Variants in PEAK1 observed in about 807,000 individuals in gnomAD.
PEAK1 encodes inactive tyrosine-protein kinase PEAK1.
PEAK1 carries 54 observed loss-of-function variants against 124.7 expected under a neutral mutation model. The ratio of observed to expected loss-of-function variants is 0.43; its 90% CI spans 0.35 to 0.54. The LOEUF (loss-of-function observed/expected upper bound fraction) is 0.54. Ranked by LOEUF, PEAK1 falls within the 20% of genes least tolerant of loss-of-function variation. The pLI, the probability that PEAK1 is intolerant of heterozygous loss-of-function variation, is 0.01. For synonymous variants in PEAK1, 719 were observed against 760.0 expected (o/e 0.95, Z 0.89); for missense variants, 2,046 against 2,134.5 (o/e 0.96, Z 0.82).
intron 6 of PEAK1, among the ~76,000 whole-genome samples, chr15:77,205,563 G>A (rs182428155): frequency 3.5e-4 from 54 of 152,236 alleles, no homozygotes; most frequent in African/African-American, 1.1e-3. Context: ...CTGGCTCATG[G>A]CTCTCCTTAT....
intron 6 of PEAK1, among the ~76,000 whole-genome samples, chr15:77,186,751 AT>A (rs1199375984): frequency 6.6e-6 from 1 of 152,206 alleles, no homozygotes; most frequent in East Asian, 1.9e-4. Flanking sequence ...CACTAATTAT[AT>A]TTGGAGACAA....
intron 2 of PEAK1, among the ~76,000 whole-genome samples, chr15:77,336,777 A>G (rs2066228349): frequency 1.3e-5 from 2 of 152,186 alleles, no homozygotes; most frequent in South Asian, 2.1e-4. Context: ...TAAGACAAAT[A>G]CACAGTATAC....
intron 2 of PEAK1, among the ~76,000 whole-genome samples, chr15:77,305,201 AGGAG>A (rs1323333241): frequency 4.4e-4 from 26 of 59,556 alleles, no homozygotes; most frequent in African/African-American, 1.3e-3. Flanking sequence ...GAGGGACGGA[AGGAG>A]GGAGGGAGGG....
chr15:77,246,162 C>T (rs1479166751), intron 6 of PEAK1, among the ~76,000 whole-genome samples: 4 of 152,078 alleles, frequency 2.6e-5, no homozygotes. Context: ...GCGCGTGCCA[C>T]CATTCCCAGC....
intron 5 of PEAK1, among the ~76,000 whole-genome samples, chr15:77,271,503 C>G (rs1020413342): frequency 1.3e-5 from 2 of 152,086 alleles, no homozygotes; most frequent in African/African-American, 4.8e-5. Flanking sequence ...TGGCACTATT[C>G]ACAATAGCAA....
intron 5 of PEAK1, among the ~76,000 whole-genome samples, chr15:77,265,563 C>T (rs2061677304): frequency 6.6e-6 from 1 of 152,200 alleles, no homozygotes; most frequent in Admixed American, 6.5e-5. Flanking sequence ...GAGATACCAT[C>T]TCACACCAGT....
At chr15:77,206,739 A>G (rs1259436811) in intron 6 of PEAK1, among the ~76,000 whole-genome samples, 2 of 151,838 alleles carry the variant, frequency 1.3e-5, no homozygotes. Context: ...CCTTTGTCAG[A>G]CGAGTAGGTT....
At chr15:77,395,510 C>G (rs182847814) in intron 1 of PEAK1, among the ~76,000 whole-genome samples, 1 of 151,996 alleles carries the variant, frequency 6.6e-6, no homozygotes, top group Non-Finnish European at 1.5e-5. Flanking sequence ...GACATTTAAT[C>G]ATCAAACTTT....
At chr15:77,406,480 C>T (rs1404526540) in intron 1 of PEAK1, among the ~76,000 whole-genome samples, 3 of 152,176 alleles carry the variant, frequency 2.0e-5, no homozygotes, top group Non-Finnish European at 2.9e-5. Flanking sequence ...CTGCTATATA[C>T]CAACAGCGGC....
intron 7 of PEAK1, chr15:77,178,087 T>C (rs1270124422): frequency 1.3e-5 from 2 of 152,164 alleles, no homozygotes; most frequent in African/African-American, 2.4e-5. Context: ...TTGCACAGAA[T>C]AGGTGATCAA....
chr15:77,122,579 C>A (rs527786212), intron 9 of PEAK1, among the ~76,000 whole-genome samples: 9 of 152,256 alleles, frequency 5.9e-5, no homozygotes, highest in African/African-American at 2.4e-5. Flanking sequence ...GCCATGCTCC[C>A]TTTTCCCACC....
chr15:77,390,662 G>A lies in PEAK1; in HGVS notation c.-665-25437C>T, dbSNP rs192418856. ...TATTTACTGAACATTGGTACTATGT[G>A]CCAGGCATGTTCTAAGCCCTTTGCC... On this transcript the variant is annotated intron_variant, in intron 1 of 9. Coordinates refer to ENST00000682557, the MANE Select transcript of PEAK1 (RefSeq NM_001385026.1). Among the ~76,000 whole-genome samples, 88 of 152,334 alleles carry A rather than the reference G, an allele frequency of 5.8e-4. 1 individual carries two copies. Among genetic ancestry groups the A allele is most frequent in the African/African-American group, 2.0e-3 (83 of 41,574 alleles).
chr15:77,136,168 A>G (rs1281437419), intron 8 of PEAK1, among the ~76,000 whole-genome samples: 1 of 152,176 alleles, frequency 6.6e-6, no homozygotes, highest in East Asian at 1.9e-4. Context: ...CTCGTTGTGA[A>G]CTGGAGCAAA....
chr15:77,251,062 G>A (rs1422122342), intron 6 of PEAK1, among the ~76,000 whole-genome samples: 3 of 152,000 alleles, frequency 2.0e-5, no homozygotes, highest in African/African-American at 4.8e-5. Context: ...AACTAGTTTC[G>A]GTCCATCATA....
In PEAK1 at chr15:77,308,444, A is replaced by G. The variant is rs148072984; in HGVS notation, c.-602-21940T>C. On this transcript the variant is annotated intron_variant, in intron 2 of 9. Coordinates refer to ENST00000682557, the MANE Select transcript of PEAK1 (RefSeq NM_001385026.1). The stretch of plus-strand genomic sequence containing the variant: ...GATAAAACCTTTTCCTCTGTGCTTT[A>G]CTTTCAACATACCCCTCATTTGTAT... Among the ~76,000 whole-genome samples, 169 of 152,118 alleles carry G rather than the reference A, an allele frequency of 1.1e-3. 1 individual carries two copies. The highest frequency in any genetic ancestry group is 2.2e-3 in the Non-Finnish European group (146 of 67,872).
At chr15:77,414,436 G>A (rs1348350349) in intron 1 of PEAK1, among the ~76,000 whole-genome samples, 1 of 147,342 alleles carries the variant, frequency 6.8e-6, no homozygotes, top group Non-Finnish European at 1.5e-5. Context: ...TGCCCAGGCT[G>A]ATCTTAATGT....
At chr15:77,312,726 G>A (rs138012694) in intron 2 of PEAK1, among the ~76,000 whole-genome samples, 1 of 152,162 alleles carries the variant, frequency 6.6e-6, no homozygotes, top group Non-Finnish European at 1.5e-5. Context: ...CATATTCCTG[G>A]CAGGAAGAAG....
chr15:77,333,901 A>C (rs1035623015), intron 2 of PEAK1: 10 of 441,014 alleles, frequency 2.3e-5, no homozygotes, highest in Non-Finnish European at 3.0e-5. Context: ...CAACAATTTC[A>C]GACCAATTTT....
rs569637459 is a variant in PEAK1, at chr15:77,190,271, T to C, written c.-114-8231A>G. Among the ~76,000 whole-genome samples the C allele has an allele frequency of 4.6e-5, 7 of 152,346 alleles. No individual in the cohort carries two copies. The South Asian group carries it at 1.4e-3, about 32-fold the overall frequency. On this transcript the variant is annotated intron_variant, in intron 6 of 9. Transcript: ENST00000682557. Reference sequence around the variant, plus strand: ...AATGAAAGTCTGAATTACACAATACTTTGAAGAAGTATAGATTTATTGCTT... The same window carrying C: ...AATGAAAGTCTGAATTACACAATACCTTGAAGAAGTATAGATTTATTGCTT...
Sources: gnomAD v4.1 joint callset for allele counts (sites outside exome capture counted in the v4.1 genomes callset) on GRCh38, gnomAD v4.1.1 for gene constraint, MANE v1.5 for transcripts, NCBI Gene and HGNC (gene_info 2026-07-23, HGNC 2026-07-21) for gene names.